Variants in AIDA observed in about 807,000 individuals in gnomAD.
AIDA encodes the protein axin interactor, dorsalization-associated protein.
A neutral mutation model predicts 42.7 loss-of-function variants in AIDA; 18 were observed. The ratio of observed to expected loss-of-function variants is 0.42; its 90% CI spans 0.29 to 0.63. The LOEUF (loss-of-function observed/expected upper bound fraction) is 0.63, where lower values mean the gene tolerates loss of function less well. Ranked by LOEUF, AIDA falls within the 20% of genes least tolerant of loss-of-function variation. AIDA has a pLI of 0.19. For synonymous variants in AIDA, 104 were observed against 122.9 expected (o/e 0.85, Z 1.02); for missense variants, 250 against 354.1 (o/e 0.71, Z 2.36).
At chr1:222,695,500 A>AT (rs1655494133) in intron 2 of AIDA, among the ~76,000 whole-genome samples, 1 of 152,198 alleles carries the variant, frequency 6.6e-6, no homozygotes, top group African/African-American at 2.4e-5. Context: ...TCAAAAAAAA[A>AT]GAAGACTATT....
intron 4 of AIDA, among the ~76,000 whole-genome samples, chr1:222,691,463 C>A (rs137941287): frequency 6.6e-6 from 1 of 152,024 alleles, no homozygotes; most frequent in Non-Finnish European, 1.5e-5. Flanking sequence ...ATTAAAATCA[C>A]GAAATTACAT....
intron 2 of AIDA, among the ~76,000 whole-genome samples, chr1:222,698,222 T>A (rs931280030): frequency 2.0e-5 from 3 of 152,170 alleles, no homozygotes; most frequent in East Asian, 3.8e-4. Context: ...ATTAAGAATT[T>A]AAAAAATGAA....
chr1:222,681,702 G>A (rs1664655955), intron 6 of AIDA, among the ~76,000 whole-genome samples: 1 of 152,096 alleles, frequency 6.6e-6, no homozygotes, highest in Non-Finnish European at 1.5e-5. Context: ...AACTGTACAA[G>A]TGTCTAACCT....
At chr1:222,681,023 A>T (rs1048123356) in intron 6 of AIDA, among the ~76,000 whole-genome samples, 18 of 151,346 alleles carry the variant, frequency 1.2e-4, no homozygotes, top group Non-Finnish European at 2.2e-4. Flanking sequence ...GATAAACTAT[A>T]AAAAAAAAGC....
chr1:222,695,573 G>C (rs1412111708), intron 2 of AIDA, among the ~76,000 whole-genome samples: 3 of 152,156 alleles, frequency 2.0e-5, no homozygotes, highest in Non-Finnish European at 1.5e-5. Flanking sequence ...CATCAATCAG[G>C]TTATTTCAAT....
intron 4 of AIDA, among the ~76,000 whole-genome samples, chr1:222,693,009 G>C (rs1655409644): frequency 6.6e-6 from 1 of 152,000 alleles, no homozygotes; most frequent in African/African-American, 2.4e-5. Context: ...GGCTACTAAG[G>C]GCTGAAGTGA....
chr1:222,689,515 A>ATATATATC (rs1655301033), intron 4 of AIDA, among the ~76,000 whole-genome samples: 1 of 78,368 alleles, frequency 1.3e-5, no homozygotes, highest in Non-Finnish European at 2.7e-5. Flanking sequence ...ATATATATAT[A>ATATATATC]TATATACACA....
rs1303452131 is a variant in AIDA at position 222,668,119 on chromosome 1, CAT to C, written c.*1772_*1773del. 1.3e-5 allele frequency: 2 copies of C among 151,832 alleles called. No homozygotes were observed. The highest frequency in any genetic ancestry group is 2.9e-5 in the Non-Finnish European group (2 of 67,970). 9.4% of individuals were successfully genotyped at this position (151,832 alleles called of 1,614,324 possible). ...TCATATAAATTATCATTTTGATATACATATCTTATGGTTTATGAGAAAAGAGA... is the reference window on the plus strand; with the variant it reads ...TCATATAAATTATCATTTTGATATACATCTTATGGTTTATGAGAAAAGAGA... On this transcript the variant is annotated 3_prime_UTR_variant, in exon 10 of 10. Transcript: ENST00000340020.
intron 7 of AIDA, among the ~76,000 whole-genome samples, chr1:222,673,771 C>CT (rs1161495877): frequency 7.0e-6 from 1 of 142,378 alleles, no homozygotes; most frequent in East Asian, 2.2e-4. Context: ...GAGCTAGACT[C>CT]TGTCTCAAAA....
intron 2 of AIDA, 147 bp downstream of exon 2, chr1:222,703,001 G>T: frequency 1.7e-6 from 1 of 587,016 alleles, no homozygotes; most frequent in Non-Finnish European, 2.9e-6. Context: ...CTTAATGTTA[G>T]GCAAAGCATA....
intron 1 of AIDA, among the ~76,000 whole-genome samples, chr1:222,710,585 G>A (rs1289269889): frequency 1.3e-5 from 2 of 152,158 alleles, no homozygotes; most frequent in Non-Finnish European, 1.5e-5. Context: ...GTATACATAG[G>A]TGCTTACTAA....
At chr1:222,673,194 A>G (rs1385553452) in intron 8 of AIDA, 119 bp downstream of exon 8, 9 of 900,632 alleles carry the variant, frequency 1.0e-5, no homozygotes, top group Non-Finnish European at 1.4e-5. Context: ...AAATCAATAA[A>G]CACTATGTTA....
chr1:222,689,550 CATAT>C (rs138764939), intron 4 of AIDA, among the ~76,000 whole-genome samples: 13,352 of 56,254 alleles, frequency 0.24, 1,318 homozygotes, highest in African/African-American at 0.33. Context: ...CATATATATA[CATAT>C]ATATGTATAT....
intron 2 of AIDA, among the ~76,000 whole-genome samples, chr1:222,699,798 G>A (rs1358685484): frequency 3.4e-5 from 5 of 148,942 alleles, no homozygotes; most frequent in Non-Finnish European, 1.5e-5. Context: ...TTTGAGACAA[G>A]TCTCGCTCTG....
In AIDA at chr1:222,684,337, C is replaced by A. The variant is rs1172860559; in HGVS notation, c.460+2593G>T. Among the ~76,000 whole-genome samples the A allele has an allele frequency of 3.9e-5, 6 of 152,202 alleles. No individual in the cohort carries two copies. In the East Asian group the frequency reaches 1.2e-3, roughly 29 times the overall value. ...ATGTTGGCCAGGCTGGTCTCGAACT[C>A]CTGACCTCAGGTGATTCACCTGCCT... On this transcript the variant is annotated intron_variant, in intron 6 of 9. Coordinates refer to ENST00000340020, the MANE Select transcript of AIDA (RefSeq NM_022831.4).
chr1:222,703,043 A>AGTTTTTTGTTTTTGTTTTGTT lies in AIDA; in HGVS notation c.180+84_180+104dup, dbSNP rs567508786. On this transcript the variant is annotated intron_variant, in intron 2 of 9. Transcript: ENST00000340020. ...ATCATTCTTTTTACTTAAGTATAAC[A>AGTTTTTTGTTTTTGTTTTGTT]GTTTTTTGTTTTTGTTTTGTTGTTT... The AGTTTTTTGTTTTTGTTTTGTT allele has an allele frequency of 3.5e-5, 28 of 795,114 alleles. No individual in the cohort carries two copies. The African/African-American group carries it at 4.6e-4, about 13-fold the overall frequency. The allele number at this position is 795,114 out of a possible 1,614,324, so 49.3% of individuals were successfully genotyped here.
chr1:222,708,552 TA>T (rs1314258789), intron 1 of AIDA, among the ~76,000 whole-genome samples: 1 of 151,736 alleles, frequency 6.6e-6, no homozygotes, highest in African/African-American at 2.4e-5. Flanking sequence ...GTATTTTTAG[TA>T]GAGAGGGGGT....
At position 222,670,118 on chromosome 1, in the gene AIDA, AT is replaced by A. The variant is rs538357688; in HGVS notation, c.824+14del. ...ACCATCAAATTAGTACTAATTCTAT[AT>A]GCACATCACTTACAGTTCTATTACA... is the stretch of plus-strand genomic sequence containing the variant. On this transcript the variant is annotated intron_variant, in intron 9 of 9. Coordinates refer to ENST00000340020, the MANE Select transcript of AIDA (RefSeq NM_022831.4). 6,843 of 1,611,698 alleles carry A rather than the reference AT, an allele frequency of 4.2e-3. 39 individuals are homozygous for A. Among genetic ancestry groups the A allele is most frequent in the Middle Eastern group, 0.018 (112 of 6,058 alleles).
chr1:222,683,679 G>A (rs1167616356), intron 6 of AIDA, among the ~76,000 whole-genome samples: 1 of 152,006 alleles, frequency 6.6e-6, no homozygotes, highest in East Asian at 1.9e-4. Context: ...TATTGCTTTG[G>A]TTTATCATTT....
Sources: allele counts gnomAD v4.1 joint callset (sites outside exome capture counted in the v4.1 genomes callset), GRCh38; gene constraint gnomAD v4.1.1; transcripts MANE v1.5; gene names NCBI Gene and HGNC (gene_info 2026-07-23, HGNC 2026-07-21).